Variants in LRRC4C observed in about 807,000 individuals in gnomAD.
The protein encoded by LRRC4C is leucine-rich repeat-containing protein 4C.
A neutral mutation model predicts 33.6 loss-of-function variants in LRRC4C; 5 were observed. The ratio of observed to expected loss-of-function variants is 0.15; its 90% CI spans 0.08 to 0.31. LRRC4C has a LOEUF of 0.31. LRRC4C is among the 10% of genes least tolerant of loss of function. The pLI is 1.00. For synonymous variants in LRRC4C, 329 were observed against 302.0 expected (o/e 1.09, Z -0.93); for missense variants, 560 against 796.7 (o/e 0.70, Z 3.58).
intron 1 of LRRC4C, among the ~76,000 whole-genome samples, chr11:41,154,338 C>T (rs1033029733): frequency 2.0e-5 from 3 of 152,128 alleles, no homozygotes; most frequent in Non-Finnish European, 2.9e-5. Flanking sequence ...TAATTGCTTA[C>T]ATCTTCATCT....
At chr11:40,848,833 C>G (rs1215383839) in intron 2 of LRRC4C, among the ~76,000 whole-genome samples, 1 of 152,114 alleles carries the variant, frequency 6.6e-6, no homozygotes, top group Admixed American at 6.6e-5. Flanking sequence ...TATTCCTGTA[C>G]TGGGTGCATA....
At chr11:41,405,591 A>C (rs1954202879) in intron 1 of LRRC4C, among the ~76,000 whole-genome samples, 1 of 152,142 alleles carries the variant, frequency 6.6e-6, no homozygotes, top group African/African-American at 2.4e-5. Flanking sequence ...TATAAAGAGT[A>C]GTTTACTTTC....
At chr11:40,397,426 C>T (rs553949546) in intron 3 of LRRC4C, among the ~76,000 whole-genome samples, 12 of 151,974 alleles carry the variant, frequency 7.9e-5, no homozygotes, top group Admixed American at 1.3e-4. Flanking sequence ...AAGAAAAAAA[C>T]GTTTTAAAAA....
chr11:41,098,981 T>C (rs928178210), intron 1 of LRRC4C, among the ~76,000 whole-genome samples: 1 of 151,926 alleles, frequency 6.6e-6, no homozygotes, highest in Non-Finnish European at 1.5e-5. Context: ...ATAAACACAA[T>C]TAGTAATGAT....
intron 2 of LRRC4C, among the ~76,000 whole-genome samples, chr11:40,771,947 T>C (rs1003549203): frequency 1.3e-5 from 2 of 152,186 alleles, no homozygotes; most frequent in African/African-American, 4.8e-5. Context: ...CATTTTTCTA[T>C]CTTCTTCTGA....
At chr11:40,741,551 T>C (rs929516553) in intron 2 of LRRC4C, among the ~76,000 whole-genome samples, 1 of 152,046 alleles carries the variant, frequency 6.6e-6, no homozygotes, top group Non-Finnish European at 1.5e-5. Flanking sequence ...AGTAGACACA[T>C]GCCTCCCTAA....
chr11:41,404,327 T>G (rs74390751), intron 1 of LRRC4C, among the ~76,000 whole-genome samples: 3,876 of 152,096 alleles, frequency 0.025, 64 homozygotes, highest in African/African-American at 0.053. Context: ...AAAGTCATGT[T>G]TGCTTTCTAG....
chr11:41,229,892 G>C (rs16935452), intron 1 of LRRC4C, among the ~76,000 whole-genome samples: 11,562 of 151,910 alleles, frequency 0.076, 937 homozygotes, highest in African/African-American at 0.2. Flanking sequence ...AAAAGCTCTC[G>C]TTTCTTGTTT....
At chr11:41,120,292 C>T (rs1942355170) in intron 1 of LRRC4C, among the ~76,000 whole-genome samples, 1 of 152,092 alleles carries the variant, frequency 6.6e-6, no homozygotes, top group African/African-American at 2.4e-5. Flanking sequence ...ACCATCTGTC[C>T]ATCCAACAAA....
chr11:40,462,963 A>C (rs57944330), intron 3 of LRRC4C, among the ~76,000 whole-genome samples: 6,172 of 141,772 alleles, frequency 0.044, 399 homozygotes, highest in African/African-American at 0.14. Context: ...CTCACATCAT[A>C]CTTATCCCAG....
At chr11:41,270,542 A>AGGTGCCTCTTC (rs1949287042) in intron 1 of LRRC4C, among the ~76,000 whole-genome samples, 1 of 152,062 alleles carries the variant, frequency 6.6e-6, no homozygotes, top group African/African-American at 2.4e-5. Flanking sequence ...TCTGCCTCTT[A>AGGTGCCTCTTC]GGTGCCTCTT....
intron 3 of LRRC4C, among the ~76,000 whole-genome samples, chr11:40,588,093 A>C (rs1212193890): frequency 8.6e-5 from 13 of 150,616 alleles, no homozygotes; most frequent in Admixed American, 2.0e-4. Flanking sequence ...TTGGCTGTGA[A>C]TCCATCTGGT....
intron 2 of LRRC4C, among the ~76,000 whole-genome samples, chr11:40,860,017 C>T (rs937098320): frequency 5.9e-5 from 9 of 151,928 alleles, no homozygotes; most frequent in South Asian, 4.2e-4. Flanking sequence ...ACCCGGGAGG[C>T]GGAGGTTGCA....
intron 1 of LRRC4C, among the ~76,000 whole-genome samples, chr11:41,132,538 A>G (rs1943063327): frequency 6.6e-6 from 1 of 152,124 alleles, no homozygotes; most frequent in South Asian, 2.1e-4. Flanking sequence ...ATGACAAGTG[A>G]AATAAAAAGC....
At chr11:41,414,352 T>C (rs1429150500) in intron 1 of LRRC4C, among the ~76,000 whole-genome samples, 1 of 152,190 alleles carries the variant, frequency 6.6e-6, no homozygotes, top group African/African-American at 2.4e-5. Flanking sequence ...ACCATTTCTT[T>C]ACTATGCCAC....
At chr11:40,206,092 T>G (rs942900283) in intron 5 of LRRC4C, among the ~76,000 whole-genome samples, 8 of 152,204 alleles carry the variant, frequency 5.3e-5, no homozygotes, top group Non-Finnish European at 1.0e-4. Flanking sequence ...GTTATTTATC[T>G]TATTAGCCTA....
chr11:40,561,613 C>T (rs1303529572), intron 3 of LRRC4C, among the ~76,000 whole-genome samples: 1 of 151,722 alleles, frequency 6.6e-6, no homozygotes, highest in African/African-American at 2.4e-5. Flanking sequence ...GGGGTTTCGT[C>T]GTGTTAGCTA....
chr11:41,433,746 A>C (rs188955521), intron 1 of LRRC4C, among the ~76,000 whole-genome samples: 101 of 152,066 alleles, frequency 6.6e-4, no homozygotes, highest in Non-Finnish European at 1.2e-3. Flanking sequence ...CAGACGGCCT[A>C]TTGTGGGACC....
At chr11:40,356,279 C>T (rs1253539884) in intron 3 of LRRC4C, among the ~76,000 whole-genome samples, 6 of 152,094 alleles carry the variant, frequency 3.9e-5, no homozygotes, top group Non-Finnish European at 5.9e-5. Context: ...TCTTATGCGT[C>T]AGAATGAGCC....
Sources: gnomAD v4.1 joint callset for allele counts (sites outside exome capture counted in the v4.1 genomes callset) on GRCh38, gnomAD v4.1.1 for gene constraint, MANE v1.5 for transcripts, NCBI Gene and HGNC (gene_info 2026-07-23, HGNC 2026-07-21) for gene names.